Variants in ZNF385B observed in about 807,000 individuals in gnomAD.
ZNF385B encodes the protein zinc finger protein 533.
A neutral mutation model predicts 39.2 loss-of-function variants in ZNF385B; 23 were observed. The ratio of observed to expected loss-of-function variants is 0.59; its 90% CI spans 0.42 to 0.83. The LOEUF (loss-of-function observed/expected upper bound fraction) is 0.83. ZNF385B is among the 40% of genes least tolerant of loss of function. The probability of loss-of-function intolerance (pLI) is 0.00; values close to 1 mark genes in which losing one functional copy is unlikely to be tolerated. For missense variants in ZNF385B, 552 were observed against 598.9 expected (o/e 0.92, Z 0.82); for synonymous variants, 205 against 222.6 (o/e 0.92, Z 0.70).
At chr2:179,633,616 G>C (rs1691449273) in intron 3 of ZNF385B, among the ~76,000 whole-genome samples, 1 of 152,166 alleles carries the variant, frequency 6.6e-6, no homozygotes, top group South Asian at 2.1e-4. Context: ...GGCAAAACCA[G>C]GAAGTATTCC....
intron 3 of ZNF385B, among the ~76,000 whole-genome samples, chr2:179,612,338 T>C (rs1198649052): frequency 6.6e-6 from 1 of 152,220 alleles, no homozygotes; most frequent in Non-Finnish European, 1.5e-5. Context: ...CTTCACAGTC[T>C]GAGTTTGTTT....
intron 4 of ZNF385B, among the ~76,000 whole-genome samples, chr2:179,526,250 T>C (rs983458657): frequency 1.8e-4 from 27 of 151,380 alleles, no homozygotes; most frequent in Non-Finnish European, 3.7e-4. Context: ...GCTGGAACTA[T>C]AGAACTTTGT....
intron 6 of ZNF385B, among the ~76,000 whole-genome samples, chr2:179,458,222 G>A (rs1458763418): frequency 6.6e-6 from 1 of 152,150 alleles, no homozygotes; most frequent in Non-Finnish European, 1.5e-5. Context: ...ATTGAATCAC[G>A]TGGGCAGGTC....
At chr2:179,458,975 G>A (rs561088301) in intron 6 of ZNF385B, among the ~76,000 whole-genome samples, 23 of 152,180 alleles carry the variant, frequency 1.5e-4, no homozygotes, top group African/African-American at 4.1e-4. Context: ...TACAGGGATC[G>A]GTCCCAACCA....
intron 5 of ZNF385B, among the ~76,000 whole-genome samples, chr2:179,496,464 G>C (rs1357544794): frequency 6.6e-6 from 1 of 152,102 alleles, no homozygotes; most frequent in African/African-American, 2.4e-5. Context: ...CAAACATAGA[G>C]AAAGATATCA....
intron 3 of ZNF385B, among the ~76,000 whole-genome samples, chr2:179,729,900 C>T (rs959273603): frequency 6.6e-6 from 1 of 152,182 alleles, no homozygotes; most frequent in African/African-American, 2.4e-5. Flanking sequence ...GTATCTGCTT[C>T]CCCTTCCGCC....
At chr2:179,493,648 C>CGT (rs2055622249) in intron 5 of ZNF385B, among the ~76,000 whole-genome samples, 6 of 101,156 alleles carry the variant, frequency 5.9e-5, no homozygotes, top group African/African-American at 1.8e-4. Context: ...TACACATATG[C>CGT]GTATACATAT....
At chr2:179,638,503 C>T (rs1243328887) in intron 3 of ZNF385B, among the ~76,000 whole-genome samples, 1 of 151,930 alleles carries the variant, frequency 6.6e-6, no homozygotes, top group Non-Finnish European at 1.5e-5. Flanking sequence ...TTGTGGTGTA[C>T]CAGGATTCTT....
At chr2:179,773,664 G>T (rs1356157475) in intron 1 of ZNF385B, among the ~76,000 whole-genome samples, 1 of 152,118 alleles carries the variant, frequency 6.6e-6, no homozygotes, top group African/African-American at 2.4e-5. Flanking sequence ...TATTGTTACA[G>T]AATAGGTAGG....
At chr2:179,533,691 C>T (rs1415761928) in intron 4 of ZNF385B, among the ~76,000 whole-genome samples, 2 of 152,006 alleles carry the variant, frequency 1.3e-5, no homozygotes, top group Admixed American at 1.3e-4. Context: ...TTTCTATTAT[C>T]AATACATGAA....
chr2:179,469,023 G>A (rs1670541626), intron 6 of ZNF385B, among the ~76,000 whole-genome samples: 1 of 152,156 alleles, frequency 6.6e-6, no homozygotes, highest in Non-Finnish European at 1.5e-5. Context: ...TTATTACAAC[G>A]TTGTTAAAGC....
chr2:179,701,871 C>T (rs1699229183), intron 3 of ZNF385B, among the ~76,000 whole-genome samples: 1 of 152,172 alleles, frequency 6.6e-6, no homozygotes, highest in Admixed American at 6.5e-5. Flanking sequence ...TCTAGCTCTT[C>T]CACATATAAA....
chr2:179,481,398 T>A (rs1006416444), intron 6 of ZNF385B, among the ~76,000 whole-genome samples: 1 of 149,838 alleles, frequency 6.7e-6, no homozygotes, highest in African/African-American at 2.4e-5. Flanking sequence ...TTTTTTTTTC[T>A]ATTTTTTTCT....
intron 9 of ZNF385B, 111 bp from the exon 10 acceptor site, chr2:179,443,579 A>C: frequency 2.4e-6 from 2 of 839,884 alleles, no homozygotes; most frequent in African/African-American, 1.7e-5. Flanking sequence ...TTAAATTTTG[A>C]AAATCTTCAC....
At chr2:179,505,851 C>T (rs532753625) in intron 5 of ZNF385B, among the ~76,000 whole-genome samples, 1 of 152,180 alleles carries the variant, frequency 6.6e-6, no homozygotes, top group East Asian at 1.9e-4. Flanking sequence ...AAAAATCAGT[C>T]TACTTTTTAT....
chr2:179,802,229 C>T (rs554804863), intron 1 of ZNF385B, among the ~76,000 whole-genome samples: 1 of 152,204 alleles, frequency 6.6e-6, no homozygotes, highest in African/African-American at 2.4e-5. Context: ...TTAAAATAGA[C>T]AGCCCTCTTC....
At chr2:179,858,568 A>T (rs957359571) in intron 1 of ZNF385B, among the ~76,000 whole-genome samples, 1 of 152,048 alleles carries the variant, frequency 6.6e-6, no homozygotes, top group African/African-American at 2.4e-5. Flanking sequence ...AAATTTTTTT[A>T]AAAAAAGAAA....
chr2:179,779,897 AT>A lies in ZNF385B; in HGVS notation c.-154-9226del, dbSNP rs150330127. 6.8e-3 allele frequency among the ~76,000 whole-genome samples: 1,040 copies of A among 152,238 alleles called. 6 individuals are homozygous for A. The highest frequency in any genetic ancestry group is 0.024 in the African/African-American group (981 of 41,518). On this transcript the variant is annotated intron_variant, in intron 1 of 9. Transcript: ENST00000410066. ...ATATATTAAAATATGATGTTTATAT[AT>A]TTTTTTATTCATTAAAGAAATAATT... is the stretch of plus-strand genomic sequence containing the variant.
At chr2:179,845,027 A>G (rs775491472) in intron 1 of ZNF385B, among the ~76,000 whole-genome samples, 3 of 152,202 alleles carry the variant, frequency 2.0e-5, no homozygotes, top group Non-Finnish European at 4.4e-5. Flanking sequence ...CAGGAGCATA[A>G]TGATCACTAC....
Sources: allele counts gnomAD v4.1 joint callset (sites outside exome capture counted in the v4.1 genomes callset), GRCh38; gene constraint gnomAD v4.1.1; transcripts MANE v1.5; gene names NCBI Gene and HGNC (gene_info 2026-07-23, HGNC 2026-07-21).